The following PHKB variants were observed in gnomAD, a reference collection of about 807,000 sequenced individuals.
The protein encoded by PHKB is phosphorylase kinase regulatory subunit beta.
Under a neutral mutation model 152.1 loss-of-function variants are expected in PHKB, and 122 were observed. The ratio of observed to expected loss-of-function variants is 0.80; its 90% confidence interval spans 0.69 to 0.93. PHKB has a LOEUF of 0.93. Ranked by LOEUF, PHKB falls within the 40% of genes least tolerant of loss-of-function variation. PHKB has a pLI of 0.00. For missense variants in PHKB, 1,304 were observed against 1,328.4 expected (o/e 0.98, Z 0.29); for synonymous variants, 436 against 464.9 (o/e 0.94, Z 0.80).
chr16:47,588,640 CTG>C (rs1188233427), intron 9 of PHKB, among the ~76,000 whole-genome samples: 2 of 152,122 alleles, frequency 1.3e-5, no homozygotes, highest in Non-Finnish European at 2.9e-5. Flanking sequence ...GTTGTGACAA[CTG>C]TTAAATTTTT....
intron 13 of PHKB, among the ~76,000 whole-genome samples, chr16:47,599,362 C>G (rs537617584): frequency 6.6e-6 from 1 of 152,044 alleles, no homozygotes; most frequent in East Asian, 1.9e-4. Context: ...TTTAGTACAA[C>G]TAGAAAGAAT....
chr16:47,468,797 C>T (rs1187276350), intron 1 of PHKB, among the ~76,000 whole-genome samples: 5 of 152,322 alleles, frequency 3.3e-5, no homozygotes, highest in Non-Finnish European at 4.4e-5. Flanking sequence ...ATCTTTGGGT[C>T]CATAAGATGC....
chr16:47,634,982 A>G (rs1304789851), intron 14 of PHKB, among the ~76,000 whole-genome samples: 1 of 152,150 alleles, frequency 6.6e-6, no homozygotes, highest in African/African-American at 2.4e-5. Flanking sequence ...TGTTTTCAGG[A>G]TGGACTGCTG....
chr16:47,473,372 G>T (rs1336008017), intron 1 of PHKB, among the ~76,000 whole-genome samples: 1 of 151,362 alleles, frequency 6.6e-6, no homozygotes, highest in Non-Finnish European at 1.5e-5. Flanking sequence ...ACTGCACCTG[G>T]CCTCTGTGAT....
At chr16:47,691,271 C>T (rs1392236767) in intron 27 of PHKB, among the ~76,000 whole-genome samples, 1 of 152,048 alleles carries the variant, frequency 6.6e-6, no homozygotes, top group Non-Finnish European at 1.5e-5. Flanking sequence ...AACTAAACAC[C>T]AATTCTGGAT....
chr16:47,491,609 A>G (rs976503661), intron 1 of PHKB, among the ~76,000 whole-genome samples: 3 of 152,198 alleles, frequency 2.0e-5, no homozygotes, highest in African/African-American at 7.2e-5. Context: ...CAACACATAT[A>G]TAGCTACACT....
chr16:47,675,892 C>G (rs962413773), intron 26 of PHKB: 3 of 152,204 alleles, frequency 2.0e-5, no homozygotes, highest in African/African-American at 7.2e-5. Context: ...GGATATCAGA[C>G]AACTTCAGAT....
chr16:47,650,786 C>A, intron 19 of PHKB, 45 bp from the exon 20 acceptor site: 2 of 1,419,464 alleles, frequency 1.4e-6, no homozygotes, highest in Non-Finnish European at 2.0e-6. Flanking sequence ...ATTAATTTAC[C>A]ATTCTGTTGT....
intron 6 of PHKB, among the ~76,000 whole-genome samples, chr16:47,538,001 TC>T (rs1424740481): frequency 6.6e-6 from 1 of 151,878 alleles, no homozygotes; most frequent in African/African-American, 2.4e-5. Context: ...CAAGCAATCT[TC>T]CCACCTCAGC....
At chr16:47,675,264 C>T (rs1356550962) in intron 26 of PHKB, among the ~76,000 whole-genome samples, 2 of 152,180 alleles carry the variant, frequency 1.3e-5, no homozygotes, top group Non-Finnish European at 2.9e-5. Context: ...TGGTCAGTAA[C>T]AGCGGGGCTA....
At chr16:47,478,602 T>C (rs1969911429) in intron 1 of PHKB, among the ~76,000 whole-genome samples, 2 of 152,096 alleles carry the variant, frequency 1.3e-5, no homozygotes, top group South Asian at 2.1e-4. Context: ...AAAAAATCTT[T>C]AGAATGATAA....
intron 6 of PHKB, among the ~76,000 whole-genome samples, chr16:47,532,880 G>T (rs1178476093): frequency 6.6e-6 from 1 of 152,264 alleles, no homozygotes; most frequent in East Asian, 1.9e-4. Context: ...CCTGTGATTG[G>T]GAAGAGTGAG....
intron 10 of PHKB, among the ~76,000 whole-genome samples, chr16:47,592,207 C>T (rs542332123): frequency 6.6e-6 from 1 of 152,238 alleles, no homozygotes. Context: ...CTGTTTTTTG[C>T]CCTACAACTC....
intron 4 of PHKB, among the ~76,000 whole-genome samples, chr16:47,507,146 G>A (rs1473290829): frequency 1.3e-5 from 2 of 152,050 alleles, no homozygotes; most frequent in African/African-American, 4.8e-5. Context: ...GCTAATTTTT[G>A]TATTTTTTGT....
At chr16:47,606,295 CAAAT>C in intron 13 of PHKB, among the ~76,000 whole-genome samples, 1 of 152,258 alleles carries the variant, frequency 6.6e-6, no homozygotes, top group African/African-American at 2.4e-5. Flanking sequence ...CCTAAAACTG[CAAAT>C]AAATTTATAA....
At position 47,515,650 on chromosome 16, in the gene PHKB, T is replaced by G. The variant is rs564179147; in HGVS notation, c.594+49T>G. 260 of 816,306 alleles carry G rather than the reference T, an allele frequency of 3.2e-4. 1 individual carries two copies. In the South Asian group the frequency reaches 3.4e-3, roughly 11 times the overall value. 50.6% of individuals were successfully genotyped at this position (816,306 alleles called of 1,614,324 possible). On this transcript the variant is annotated intron_variant, in intron 6 of 30. Transcript: ENST00000323584. ...TTACTAAATTTCACCTCTGAAAATA[T>G]CTATTTTTTTTTTTAGTTTTCACAA...
rs191558003 is a variant in PHKB, at chr16:47,501,397, T to A, written c.305+1503T>A. ...ATGCAATACATGATCCTTAATTGGG[T>A]CATGCATTTAAAAATACTGTAAAGT... On this transcript the variant is annotated intron_variant, in intron 3 of 30. Transcript: ENST00000323584. Among the ~76,000 whole-genome samples the A allele has an allele frequency of 5.3e-4, 80 of 152,230 alleles. 1 individual carries two copies. The highest frequency in any genetic ancestry group is 8.8e-5 in the Non-Finnish European group (6 of 67,994).
chr16:47,651,213 T>C (rs1363640302), intron 20 of PHKB, among the ~76,000 whole-genome samples: 2 of 152,174 alleles, frequency 1.3e-5, no homozygotes, highest in African/African-American at 2.4e-5. Flanking sequence ...TAGGGGCAAG[T>C]TGGCTGACTG....
chr16:47,589,180 G>C (rs1567317398), intron 10 of PHKB, 78 bp downstream of exon 10: 1 of 1,060,956 alleles, frequency 9.4e-7, no homozygotes, highest in Admixed American at 1.9e-5. Flanking sequence ...CATTGGGTTT[G>C]AATTCTGGCT....
Sources: gnomAD v4.1 joint callset for allele counts (sites outside exome capture counted in the v4.1 genomes callset) on GRCh38, gnomAD v4.1.1 for gene constraint, MANE v1.5 for transcripts, NCBI Gene and HGNC (gene_info 2026-07-23, HGNC 2026-07-21) for gene names.